SLC1A1: variants seen among roughly 807,000 people sequenced by gnomAD.
The protein encoded by SLC1A1 is solute carrier family 1 member 1, also known as excitatory amino acid transporter 3.
A neutral mutation model predicts 53.3 loss-of-function variants in SLC1A1; 43 were observed. The ratio of observed to expected loss-of-function variants is 0.81; its 90% confidence interval spans 0.63 to 1.04. SLC1A1 has a LOEUF of 1.04. SLC1A1 is among the 50% of genes least tolerant of loss of function. The pLI, the probability that SLC1A1 is intolerant of heterozygous loss-of-function variation, is 0.00. For synonymous variants in SLC1A1, 307 were observed against 243.2 expected (o/e 1.26, Z -2.44); for missense variants, 748 against 664.9 (o/e 1.12, Z -1.37).
intron 3 of SLC1A1, 71 bp downstream of exon 3, chr9:4,561,612 C>A: frequency 1.1e-6 from 1 of 951,878 alleles, no homozygotes; most frequent in Non-Finnish European, 1.7e-6. Flanking sequence ...TAGTTGGTGG[C>A]CAGATGCGGT....
At chr9:4,542,757 T>C (rs1017273741) in intron 1 of SLC1A1, among the ~76,000 whole-genome samples, 1 of 152,216 alleles carries the variant, frequency 6.6e-6, no homozygotes, top group Admixed American at 6.5e-5. Context: ...CACATCGTAC[T>C]TTTTAAATTT....
intron 1 of SLC1A1, among the ~76,000 whole-genome samples, chr9:4,534,627 A>G (rs959985669): frequency 1.2e-4 from 19 of 152,234 alleles, no homozygotes; most frequent in African/African-American, 4.6e-4. Context: ...GAATTCTACC[A>G]GAGGTACAAG....
intron 1 of SLC1A1, among the ~76,000 whole-genome samples, chr9:4,533,064 C>A (rs1816536720): frequency 6.6e-6 from 1 of 152,120 alleles, no homozygotes; most frequent in South Asian, 2.1e-4. Flanking sequence ...CTGAAAGAAG[C>A]ACTAAACATG....
intron 1 of SLC1A1, among the ~76,000 whole-genome samples, chr9:4,520,977 A>G (rs1014639716): frequency 1.3e-5 from 2 of 152,212 alleles, no homozygotes; most frequent in Admixed American, 6.5e-5. Flanking sequence ...AATGAGTACA[A>G]AGTAACATCT....
chr9:4,567,892 T>C (rs967604489), intron 6 of SLC1A1, 125 bp downstream of exon 6: 2 of 733,860 alleles, frequency 2.7e-6, no homozygotes, highest in Admixed American at 2.0e-5. Flanking sequence ...CTTGCTAAAA[T>C]TTATGTGTGA....
At chr9:4,561,958 A>G (rs892454998) in intron 3 of SLC1A1, among the ~76,000 whole-genome samples, 7 of 150,376 alleles carry the variant, frequency 4.7e-5, no homozygotes, top group South Asian at 2.2e-4. Flanking sequence ...GGAGTCTTCT[A>G]TGTTGCCCAG....
intron 10 of SLC1A1, among the ~76,000 whole-genome samples, chr9:4,582,586 T>C (rs1369287794): frequency 1.3e-5 from 2 of 152,186 alleles, no homozygotes; most frequent in East Asian, 3.8e-4. Flanking sequence ...AGGTGCTCAG[T>C]AAATTATTGG....
At chr9:4,545,961 C>G (rs373373666) in intron 2 of SLC1A1, among the ~76,000 whole-genome samples, 1 of 152,030 alleles carries the variant, frequency 6.6e-6, no homozygotes, top group Admixed American at 6.6e-5. Context: ...TGTAAACATG[C>G]AATTAGAAGT....
intron 1 of SLC1A1, among the ~76,000 whole-genome samples, chr9:4,501,368 C>T (rs1267479364): frequency 2.6e-5 from 4 of 151,352 alleles, no homozygotes; most frequent in African/African-American, 7.4e-5. Flanking sequence ...AACTTGGCTT[C>T]GGAAACACCC....
intron 1 of SLC1A1, among the ~76,000 whole-genome samples, chr9:4,508,145 G>T (rs1223513714): frequency 6.6e-6 from 1 of 151,704 alleles, no homozygotes; most frequent in Non-Finnish European, 1.5e-5. Context: ...ATAGATAAAG[G>T]GTCTTCACAG....
At position 4,586,314 on chromosome 9, in the gene SLC1A1, C is replaced by T. The variant is rs1821572448; in HGVS notation, c.*756C>T. 1 of 152,102 alleles carries T rather than the reference C, an allele frequency of 6.6e-6. No individual in the cohort carries two copies. The highest frequency in any genetic ancestry group is 2.4e-5 in the African/African-American group (1 of 41,390). The allele number at this position is 152,102 out of a possible 1,614,324, so 9.4% of individuals were successfully genotyped here. A position where few individuals can be genotyped will look rare whatever the true frequency, so the allele number is the denominator to read the frequency against. ...TGTGAAATAAAGAGTTCTCCTTGTA[C>T]TTGAATAATAACCACGATTCCAACC... is the stretch of plus-strand genomic sequence containing the variant. On this transcript the variant is annotated 3_prime_UTR_variant, in exon 12 of 12. Transcript: ENST00000262352.
intron 1 of SLC1A1, among the ~76,000 whole-genome samples, chr9:4,518,110 C>G (rs923911036): frequency 6.6e-6 from 1 of 151,312 alleles, no homozygotes; most frequent in East Asian, 1.9e-4. Flanking sequence ...GTGGTGGGTG[C>G]CTGTAATCCC....
intron 1 of SLC1A1, among the ~76,000 whole-genome samples, chr9:4,524,663 T>C (rs1218104822): frequency 6.6e-6 from 1 of 152,156 alleles, no homozygotes; most frequent in Non-Finnish European, 1.5e-5. Flanking sequence ...TGCATCAAAA[T>C]ATGATAGAGA....
At chr9:4,553,155 T>C (rs1404050276) in intron 2 of SLC1A1, among the ~76,000 whole-genome samples, 3 of 152,268 alleles carry the variant, frequency 2.0e-5, no homozygotes, top group South Asian at 4.1e-4. Context: ...AGAGCATTCA[T>C]ATGGACTTTG....
At chr9:4,508,342 G>C (rs1403024943) in intron 1 of SLC1A1, among the ~76,000 whole-genome samples, 5 of 152,272 alleles carry the variant, frequency 3.3e-5, no homozygotes, top group Non-Finnish European at 7.4e-5. Context: ...TACACCTGTG[G>C]GAGAGTGAGA....
chr9:4,528,294 T>A (rs1430724409), intron 1 of SLC1A1, among the ~76,000 whole-genome samples: 3 of 150,210 alleles, frequency 2.0e-5, no homozygotes, highest in African/African-American at 7.3e-5. Flanking sequence ...AGTTAGGAGG[T>A]GGGCACAGTG....
rs558532827 is a variant in SLC1A1 at position 4,539,736 on chromosome 9, T to G, written c.92-4831T>G. On this transcript the variant is annotated intron_variant, in intron 1 of 11. Coordinates refer to ENST00000262352, the MANE Select transcript of SLC1A1 (RefSeq NM_004170.6). ...ACAGGTACACACCACCAAGCCTGGC[T>G]AATTTTTGTATTTTTAGTAGAGATG... 1.2e-3 allele frequency among the ~76,000 whole-genome samples: 176 copies of G among 152,216 alleles called. 2 individuals are homozygous for G. Among genetic ancestry groups the G allele is most frequent in the African/African-American group, 4.0e-3 (165 of 41,520 alleles).
At position 4,586,671 on chromosome 9, in the gene SLC1A1, C is replaced by T. The variant is rs982881323; in HGVS notation, c.*1113C>T. ...TCCTTGCACTTCTGTTATCAGGGCC[C>T]AAATAACAGTGGCAAGCTACCAACT... On this transcript the variant is annotated 3_prime_UTR_variant, in exon 12 of 12. Transcript: ENST00000262352. 1 of 152,128 alleles carries T rather than the reference C, an allele frequency of 6.6e-6. No individual in the cohort carries two copies. The highest frequency in any genetic ancestry group is 2.4e-5 in the African/African-American group (1 of 41,412). 9.4% of individuals were successfully genotyped at this position (152,128 alleles called of 1,614,324 possible).
intron 1 of SLC1A1, among the ~76,000 whole-genome samples, chr9:4,501,021 A>G (rs1194607478): frequency 2.0e-5 from 3 of 152,092 alleles, no homozygotes; most frequent in Non-Finnish European, 2.9e-5. Context: ...CCCTGAGAAG[A>G]TAAGACGTCC....
Sources: gnomAD v4.1 joint callset for allele counts (sites outside exome capture counted in the v4.1 genomes callset) on GRCh38, gnomAD v4.1.1 for gene constraint, MANE v1.5 for transcripts, NCBI Gene and HGNC (gene_info 2026-07-23, HGNC 2026-07-21) for gene names.